RPN2: variants seen among roughly 807,000 people sequenced by gnomAD.
RPN2 encodes the protein dolichyl-diphosphooligosaccharide--protein glycosyltransferase subunit 2.
A neutral mutation model predicts 71.4 loss-of-function variants in RPN2; 29 were observed. That is an observed-to-expected ratio of 0.41 (90% confidence interval 0.30 to 0.55). RPN2 has a LOEUF of 0.55. Among genes scored for constraint, RPN2 ranks in the 20% least tolerant of loss-of-function variants. The pLI is 0.35. For missense variants in RPN2, 726 were observed against 774.1 expected (o/e 0.94, Z 0.74); for synonymous variants, 308 against 305.0 (o/e 1.01, Z -0.10).
At chr20:37,201,435 C>T (rs548955303) in intron 4 of RPN2, among the ~76,000 whole-genome samples, 1 of 152,018 alleles carries the variant, frequency 6.6e-6, no homozygotes, top group African/African-American at 2.4e-5. Context: ...TAATCACATG[C>T]CACCACACCC....
chr20:37,232,148 C>T, intron 13 of RPN2, 148 bp from the exon 14 acceptor site: 2 of 891,320 alleles, frequency 2.2e-6, no homozygotes, highest in Non-Finnish European at 1.8e-6. Flanking sequence ...AGGCAAAAGG[C>T]CCCATGCCCA....
At chr20:37,191,767 A>G (rs910995944) in intron 2 of RPN2, among the ~76,000 whole-genome samples, 3 of 151,964 alleles carry the variant, frequency 2.0e-5, no homozygotes, top group Admixed American at 6.6e-5. Flanking sequence ...TTTTACAGAT[A>G]TCATTATTTA....
chr20:37,227,068 G>A (rs1011176487), intron 11 of RPN2, among the ~76,000 whole-genome samples: 2 of 152,192 alleles, frequency 1.3e-5, no homozygotes, highest in Non-Finnish European at 2.9e-5. Context: ...CCAGGAGCAC[G>A]TTCCTCTATG....
At chr20:37,181,658 A>T (rs1051428618) in intron 1 of RPN2, among the ~76,000 whole-genome samples, 3 of 152,124 alleles carry the variant, frequency 2.0e-5, no homozygotes, top group Non-Finnish European at 4.4e-5. Flanking sequence ...ACCTCAGGTG[A>T]TCCCCCTGCC....
rs931009466 is a variant in RPN2 at position 37,241,474 on chromosome 20, A to G, written c.*159A>G. The G allele has an allele frequency of 5.1e-5, 41 of 810,460 alleles. No homozygotes were observed. The African/African-American group carries it at 5.4e-4, about 11-fold the overall frequency. 50.2% of individuals were successfully genotyped at this position (810,460 alleles called of 1,614,324 possible). ...TTTTGCTTGTTTTTCAGTTTCCCCA[A>G]CACACAGCAGATACCTGGTGAGCTC... On this transcript the variant is annotated 3_prime_UTR_variant, in exon 17 of 17. Coordinates refer to ENST00000237530, the MANE Select transcript of RPN2 (RefSeq NM_002951.5).
intron 10 of RPN2, among the ~76,000 whole-genome samples, chr20:37,224,471 T>C (rs2068030903): frequency 6.6e-6 from 1 of 152,144 alleles, no homozygotes. Flanking sequence ...AAAATTGAGA[T>C]GGCAGATACC....
In RPN2 at chr20:37,230,079, T is replaced by G. The variant is rs200360517; in HGVS notation, c.1581+20T>G. The G allele has an allele frequency of 2.8e-5, 44 of 1,586,112 alleles. No homozygotes were observed. The Admixed American group carries it at 7.2e-4, about 26-fold the overall frequency. Reference sequence around the variant, plus strand: ...ATTCAGGTATATCCCAAAGGGCCTATCCACTAAACGTGGGAGAAGAGAGGG... The same window carrying G: ...ATTCAGGTATATCCCAAAGGGCCTAGCCACTAAACGTGGGAGAAGAGAGGG... On this transcript the variant is annotated intron_variant, in intron 13 of 16. Transcript: ENST00000237530.
At chr20:37,181,161 G>A (rs538371234) in intron 1 of RPN2, among the ~76,000 whole-genome samples, 44 of 151,962 alleles carry the variant, frequency 2.9e-4, no homozygotes, top group African/African-American at 1.1e-3. Flanking sequence ...CCCGGGAGGC[G>A]GAGGCTGCAG....
chr20:37,198,477 CCT>C lies in RPN2; in HGVS notation c.292_293del (p.Ser98ArgfsTer3), dbSNP rs2067305641. The C allele has an allele frequency of 6.2e-7, 1 of 1,614,002 alleles. No homozygotes were observed. Among genetic ancestry groups the C allele is most frequent in the African/African-American group, 1.3e-5 (1 of 74,914 alleles). On this transcript the variant is annotated frameshift_variant, in exon 3 of 17. Transcript: ENST00000237530. LOFTEE classifies it high-confidence loss of function. ...LFYAAQASQA[L>X]SGCEISISNE... ...TCTACGCTGCCCAGGCCAGCCAGGCCCTCTCAGGATGTGAGGTGAGTCCGGGT... is the reference window on the plus strand; with the variant it reads ...TCTACGCTGCCCAGGCCAGCCAGGCCCTCAGGATGTGAGGTGAGTCCGGGT...
intron 2 of RPN2, among the ~76,000 whole-genome samples, chr20:37,189,682 A>G (rs2067100723): frequency 1.3e-5 from 2 of 152,234 alleles, no homozygotes; most frequent in Non-Finnish European, 2.9e-5. Context: ...GAGTATACCC[A>G]TCAGAGTCAG....
chr20:37,230,246 G>A (rs1446264734), intron 13 of RPN2, among the ~76,000 whole-genome samples, 187 bp downstream of exon 13: 1 of 152,218 alleles, frequency 6.6e-6, no homozygotes, highest in African/African-American at 2.4e-5. Context: ...AGAGTCCGGT[G>A]ACTAACCCCC....
At chr20:37,196,354 C>T (rs6104002) in intron 2 of RPN2, among the ~76,000 whole-genome samples, 21 of 152,266 alleles carry the variant, frequency 1.4e-4, no homozygotes, top group African/African-American at 4.6e-4. Context: ...TCAAGCCTCC[C>T]GAGTAGCTGG....
intron 1 of RPN2, among the ~76,000 whole-genome samples, chr20:37,181,431 C>CTTTTT (rs748226554): frequency 1.0e-4 from 13 of 129,418 alleles, no homozygotes; most frequent in Non-Finnish European, 1.5e-4. Context: ...TTTTTCTTTT[C>CTTTTT]TTTTTTTTTT....
intron 10 of RPN2, 42 bp from the exon 11 acceptor site, chr20:37,225,646 T>C (rs1400019277): frequency 6.1e-6 from 8 of 1,305,048 alleles, no homozygotes; most frequent in East Asian, 2.3e-5. Flanking sequence ...CTCAGAGATA[T>C]ACTGATCCTC....
intron 2 of RPN2, among the ~76,000 whole-genome samples, chr20:37,188,828 G>C (rs967787940): frequency 2.3e-4 from 35 of 150,164 alleles, no homozygotes; most frequent in African/African-American, 8.4e-4. Context: ...TTGCCATGTT[G>C]CCCAGGGTTG....
intron 10 of RPN2, among the ~76,000 whole-genome samples, chr20:37,224,862 T>C (rs1295311127): frequency 6.6e-6 from 1 of 152,224 alleles, no homozygotes; most frequent in Non-Finnish European, 1.5e-5. Context: ...AGAGTTGGCC[T>C]TTGTGTCTCT....
chr20:37,232,147 G>T (rs2068265226), intron 13 of RPN2, 149 bp from the exon 14 acceptor site: 4 of 883,028 alleles, frequency 4.5e-6, no homozygotes, highest in South Asian at 2.7e-5. Flanking sequence ...GAGGCAAAAG[G>T]CCCCATGCCC....
At chr20:37,215,304 C>T (rs118036734) in intron 9 of RPN2, among the ~76,000 whole-genome samples, 3,250 of 152,272 alleles carry the variant, frequency 0.021, 52 homozygotes, top group Middle Eastern at 0.034. Flanking sequence ...TCAACACTTG[C>T]ATTTAAAGTT....
intron 1 of RPN2, 48 bp downstream of exon 1, chr20:37,179,417 G>C (rs2066779688): frequency 1.4e-5 from 1 of 71,862 alleles, no homozygotes; most frequent in East Asian, 5.8e-4. Flanking sequence ...GCCCGCGGGA[G>C]GTTACTAGTC....
Sources: gnomAD v4.1 joint callset for allele counts (sites outside exome capture counted in the v4.1 genomes callset) on GRCh38, gnomAD v4.1.1 for gene constraint, MANE v1.5 for transcripts, NCBI Gene and HGNC (gene_info 2026-07-23, HGNC 2026-07-21) for gene names.